The following TRMT11 variants were observed in gnomAD, a reference collection of about 807,000 sequenced individuals.
TRMT11 encodes the protein tRNA (guanine(10)-N(2))-methyltransferase TRMT11.
In TRMT11, 53 loss-of-function variants were observed where a neutral mutation model predicts 62.8. The ratio of observed to expected loss-of-function variants is 0.84; its 90% CI spans 0.68 to 1.06. The LOEUF is 1.06. Among genes scored for constraint, TRMT11 ranks in the 50% least tolerant of loss-of-function variants. The pLI, the probability that TRMT11 is intolerant of heterozygous loss-of-function variation, is 0.00. For missense variants in TRMT11, 556 were observed against 553.4 expected (o/e 1.00, Z -0.05); for synonymous variants, 188 against 190.3 (o/e 0.99, Z 0.10).
intron 7 of TRMT11, among the ~76,000 whole-genome samples, chr6:126,002,776 C>G (rs1430101530): frequency 6.6e-6 from 1 of 152,136 alleles, no homozygotes; most frequent in African/African-American, 2.4e-5. Flanking sequence ...TGTTCTCCCA[C>G]CTATCCTAGG....
chr6:126,101,740 T>C (rs1222329567), intron 17 of TRMT11, among the ~76,000 whole-genome samples: 1 of 152,242 alleles, frequency 6.6e-6, no homozygotes, highest in African/African-American at 2.4e-5. Context: ...TCCAGTTCTC[T>C]TTTGGTTGAG....
chr6:126,001,654 A>C (rs1004353958), intron 7 of TRMT11, among the ~76,000 whole-genome samples: 1 of 152,060 alleles, frequency 6.6e-6, no homozygotes, highest in Non-Finnish European at 1.5e-5. Context: ...GTGGAGAGAC[A>C]CATTAAGGCC....
chr6:126,266,913 C>T, the TRMT11 span, among the ~76,000 whole-genome samples: 1 of 152,142 alleles, frequency 6.6e-6, no homozygotes, highest in African/African-American at 2.4e-5. Flanking sequence ...CTCATTTGTC[C>T]TCTTCCTCCT....
At chr6:126,128,907 G>GT (rs1468999720) in intron 21 of TRMT11, among the ~76,000 whole-genome samples, 4 of 136,278 alleles carry the variant, frequency 2.9e-5, no homozygotes, top group African/African-American at 5.6e-5. Flanking sequence ...AAGGATTTTT[G>GT]TTTTCTGATT....
At position 126,093,631 on chromosome 6, in the gene TRMT11, A is replaced by ATTTTTTTTTTTTTTT. The variant is rs145963759; in HGVS notation, c.*1438-19231_*1438-19230insTTTTTTTTTTTTTTT. ...TATATATATATATATATATATATAT[A>ATTTTTTTTTTTTTTT]TTTTCCCCCAGTCCTGGAGGATCAA... is the stretch of plus-strand genomic sequence containing the variant. On this transcript the variant is annotated intron_variant and NMD_transcript_variant, in intron 17 of 22. Transcript: ENST00000648977. 2.3e-4 allele frequency among the ~76,000 whole-genome samples: 23 copies of ATTTTTTTTTTTTTTT among 98,014 alleles called. 2 individuals carry two copies. The highest frequency in any genetic ancestry group is 9.2e-4 in the African/African-American group (21 of 22,926). 64.3% of individuals were successfully genotyped at this position (98,014 alleles called of 152,430 possible).
chr6:126,002,528 C>T (rs1198279856), intron 7 of TRMT11, among the ~76,000 whole-genome samples: 1 of 152,072 alleles, frequency 6.6e-6, no homozygotes, highest in Non-Finnish European at 1.5e-5. Flanking sequence ...AGTTCTTCAC[C>T]CTAAGGGGCA....
chr6:126,074,155 T>G (rs1203693039), intron 17 of TRMT11, among the ~76,000 whole-genome samples: 1 of 152,206 alleles, frequency 6.6e-6, no homozygotes, highest in Non-Finnish European at 1.5e-5. Context: ...ATATTAATAT[T>G]AGGAATATCA....
At chr6:126,152,471 G>A (rs1778070984) in intron 21 of TRMT11, among the ~76,000 whole-genome samples, 1 of 152,120 alleles carries the variant, frequency 6.6e-6, no homozygotes, top group Admixed American at 6.5e-5. Flanking sequence ...CCTCTGCCCT[G>A]TGTGGAATCC....
chr6:126,203,716 G>A (rs1272561786), downstream of TRMT11, among the ~76,000 whole-genome samples: 4 of 152,098 alleles, frequency 2.6e-5, no homozygotes, highest in African/African-American at 9.7e-5. Context: ...ATCTAAATGT[G>A]ATTAGTTAAA....
At chr6:126,260,811 CT>C in the TRMT11 span, among the ~76,000 whole-genome samples, 1 of 152,176 alleles carries the variant, frequency 6.6e-6, no homozygotes, top group Non-Finnish European at 1.5e-5. Context: ...CGGAGATCCC[CT>C]TCTATATCAC....
chr6:125,986,628 TC>T lies in TRMT11; in HGVS notation c.72+8del. ...ATCTGGAGTTCCGCCTGCCGGTGAGTCCGTAGCGCCCTCCGGAACTTCCGAC... is the reference window on the plus strand; with the variant it reads ...ATCTGGAGTTCCGCCTGCCGGTGAGTCGTAGCGCCCTCCGGAACTTCCGAC... On this transcript the variant is annotated splice_region_variant and intron_variant, in intron 1 of 12. Coordinates refer to ENST00000334379, the MANE Select transcript of TRMT11 (RefSeq NM_001031712.3). The T allele has an allele frequency of 6.3e-7, 1 of 1,577,996 alleles. No individual in the cohort carries two copies. Among genetic ancestry groups the T allele is most frequent in the Non-Finnish European group, 8.6e-7 (1 of 1,163,470 alleles).
chr6:126,237,065 TAG>T, the TRMT11 span, among the ~76,000 whole-genome samples: 6,519 of 141,328 alleles, frequency 0.046, 311 homozygotes, highest in African/African-American at 0.13. Flanking sequence ...CTCCTAGAGA[TAG>T]AGAGAGAGAG....
intron 17 of TRMT11, among the ~76,000 whole-genome samples, chr6:126,094,509 A>G (rs901689408): frequency 6.6e-6 from 1 of 152,170 alleles, no homozygotes; most frequent in Non-Finnish European, 1.5e-5. Flanking sequence ...ATAGAGAAAG[A>G]AAAAACCTTT....
the TRMT11 span, among the ~76,000 whole-genome samples, chr6:126,237,777 C>G: frequency 1.3e-5 from 2 of 152,292 alleles, no homozygotes; most frequent in South Asian, 4.1e-4. Context: ...AGATTATCTG[C>G]TCAAATAAAG....
At position 126,128,793 on chromosome 6, in the gene TRMT11, T is replaced by G. The variant is rs534623404; in HGVS notation, c.*1823+12938T>G. On this transcript the variant is annotated intron_variant and NMD_transcript_variant, in intron 21 of 22. Transcript: ENST00000648977. ...TTAAATATCCCATGTGATATTGTGA[T>G]GAACTTGCTTTGGAAGTTATTGATC... Among the ~76,000 whole-genome samples, 6 of 152,216 alleles carry G rather than the reference T, an allele frequency of 3.9e-5. No homozygotes were observed. The South Asian group carries it at 1.2e-3, about 32-fold the overall frequency.
chr6:126,069,572 G>A (rs1054052169), intron 17 of TRMT11, among the ~76,000 whole-genome samples: 1 of 151,854 alleles, frequency 6.6e-6, no homozygotes, highest in Non-Finnish European at 1.5e-5. Context: ...ACCCTTGTCC[G>A]AGCCATGCAC....
intron 21 of TRMT11, among the ~76,000 whole-genome samples, chr6:126,127,166 A>G (rs543322848): frequency 6.6e-6 from 1 of 152,226 alleles, no homozygotes; most frequent in African/African-American, 2.4e-5. Context: ...AGGGAGGGAG[A>G]TGCAGATAAA....
intron 21 of TRMT11, among the ~76,000 whole-genome samples, chr6:126,159,712 T>A (rs1364644321): frequency 6.6e-6 from 1 of 152,144 alleles, no homozygotes. Context: ...AAATCCAAAA[T>A]CAAGGACTGT....
At chr6:126,175,858 G>A (rs961820322), upstream of TRMT11, among the ~76,000 whole-genome samples, 7 of 152,172 alleles carry the variant, frequency 4.6e-5, no homozygotes, top group African/African-American at 1.7e-4. Context: ...CTGAAATGAT[G>A]TTTTGGTACA....
Sources: allele counts gnomAD v4.1 joint callset (sites outside exome capture counted in the v4.1 genomes callset), GRCh38; gene constraint gnomAD v4.1.1; transcripts MANE v1.5; gene names NCBI Gene and HGNC (gene_info 2026-07-23, HGNC 2026-07-21).